The following ZBTB20 variants were observed in gnomAD, a reference collection of about 807,000 sequenced individuals.
ZBTB20 encodes zinc finger and BTB domain-containing protein 20.
Under a neutral mutation model 56.9 loss-of-function variants are expected in ZBTB20, and 9 were observed. The observed-to-expected ratio is 0.16, with a 90% CI of 0.10 to 0.28. The LOEUF (loss-of-function observed/expected upper bound fraction) is 0.28. Ranked by LOEUF, ZBTB20 falls within the 10% of genes least tolerant of loss-of-function variation. The probability of loss-of-function intolerance (pLI) is 1.00; values close to 1 mark genes in which losing one functional copy is unlikely to be tolerated. For synonymous variants in ZBTB20, 417 were observed against 420.7 expected, an observed-to-expected ratio of 0.99 and a Z score of 0.11; for missense variants, 655 against 1,003.0, an observed-to-expected ratio of 0.65 and a Z score of 4.69.
intron 1 of ZBTB20, among the ~76,000 whole-genome samples, chr3:115,097,392 C>A (rs1283900030): frequency 6.6e-6 from 1 of 151,896 alleles, no homozygotes; most frequent in Non-Finnish European, 1.5e-5. Context: ...CCATGTTGGC[C>A]AGGATAGTCT....
intron 6 of ZBTB20, among the ~76,000 whole-genome samples, chr3:114,650,754 T>C (rs1454910661): frequency 6.6e-6 from 1 of 151,966 alleles, no homozygotes; most frequent in Non-Finnish European, 1.5e-5. Flanking sequence ...TCCCATTATA[T>C]TCCTCTGTGC....
rs111705590 is a variant in ZBTB20 at position 114,394,036 on chromosome 3, G to A, written c.-254-4931C>T. The stretch of plus-strand genomic sequence containing the variant: ...CAGTCCTAGGAAATCACACCACATC[G>A]TTCTAAAATTATAGATGGGGGGTTC... On this transcript the variant is annotated intron_variant, in intron 7 of 11. Coordinates refer to ENST00000675478, the MANE Select transcript of ZBTB20 (RefSeq NM_001348800.3). Among the ~76,000 whole-genome samples the A allele has an allele frequency of 7.8e-3, 1,184 of 152,190 alleles. 27 individuals are homozygous for A. Among genetic ancestry groups the A allele is most frequent in the African/African-American group, 0.026 (1,064 of 41,514 alleles).
At chr3:114,923,561 A>G (rs2399513) in intron 3 of ZBTB20, among the ~76,000 whole-genome samples, 7,251 of 152,330 alleles carry the variant, frequency 0.048, 272 homozygotes, top group Non-Finnish European at 0.072. Flanking sequence ...CACTGTACAC[A>G]AAAATTAACT....
intron 6 of ZBTB20, among the ~76,000 whole-genome samples, chr3:114,676,079 C>T (rs2061609681): frequency 6.6e-6 from 1 of 152,132 alleles, no homozygotes; most frequent in Admixed American, 6.5e-5. Flanking sequence ...AGTCAGGATT[C>T]AAACCTAGGA....
intron 5 of ZBTB20, among the ~76,000 whole-genome samples, chr3:114,749,757 T>A (rs2067417172): frequency 1.3e-5 from 2 of 152,198 alleles, no homozygotes; most frequent in Admixed American, 1.3e-4. Flanking sequence ...TTGGTTTGTA[T>A]CCCATTTCCA....
intron 1 of ZBTB20, among the ~76,000 whole-genome samples, chr3:115,116,082 A>G (rs902288143): frequency 3.9e-5 from 6 of 151,902 alleles, no homozygotes; most frequent in African/African-American, 1.4e-4. Context: ...GCTTTTTTTC[A>G]GTCAGTTGTC....
intron 2 of ZBTB20, among the ~76,000 whole-genome samples, chr3:115,014,251 A>G (rs533617035): frequency 2.2e-4 from 33 of 151,822 alleles, no homozygotes; most frequent in African/African-American, 7.5e-4. Flanking sequence ...GATGGCTATC[A>G]GAGGTTGGGA....
intron 4 of ZBTB20, among the ~76,000 whole-genome samples, chr3:114,882,877 C>T (rs1232097118): frequency 6.6e-6 from 1 of 152,066 alleles, no homozygotes; most frequent in African/African-American, 2.4e-5. Context: ...CCTGTGAGCA[C>T]ATTTTAAAAA....
intron 5 of ZBTB20, among the ~76,000 whole-genome samples, chr3:114,698,061 C>T (rs980294261): frequency 6.6e-6 from 1 of 152,068 alleles, no homozygotes; most frequent in Admixed American, 6.6e-5. Context: ...TTATGATTCT[C>T]TCTATGCATT....
intron 2 of ZBTB20, among the ~76,000 whole-genome samples, chr3:115,066,554 C>G (rs1204895028): frequency 6.6e-6 from 1 of 152,106 alleles, no homozygotes; most frequent in Non-Finnish European, 1.5e-5. Context: ...TCTTCATACC[C>G]CTTCTTCCAC....
At chr3:114,878,860 T>C (rs1178627047) in intron 4 of ZBTB20, among the ~76,000 whole-genome samples, 2 of 152,172 alleles carry the variant, frequency 1.3e-5, no homozygotes, top group African/African-American at 4.8e-5. Context: ...TGAAATGCCA[T>C]GTCTAAAATA....
chr3:115,111,389 C>T (rs2083878589), intron 1 of ZBTB20, among the ~76,000 whole-genome samples: 1 of 151,968 alleles, frequency 6.6e-6, no homozygotes, highest in Non-Finnish European at 1.5e-5. Context: ...TTTGGGACTC[C>T]AATACATACC....
intron 2 of ZBTB20, among the ~76,000 whole-genome samples, chr3:115,056,938 G>T (rs1256461392): frequency 1.3e-5 from 2 of 152,122 alleles, no homozygotes; most frequent in Non-Finnish European, 2.9e-5. Context: ...TGTGTCTAAT[G>T]AGAGCCTCAA....
chr3:114,439,857 C>A (rs2090790502), intron 7 of ZBTB20, among the ~76,000 whole-genome samples: 2 of 152,128 alleles, frequency 1.3e-5, no homozygotes, highest in Admixed American at 1.3e-4. Context: ...ATTGCTACAT[C>A]CTTGATTTAG....
intron 7 of ZBTB20, among the ~76,000 whole-genome samples, chr3:114,410,933 G>C: frequency 6.6e-6 from 1 of 152,094 alleles, no homozygotes; most frequent in East Asian, 1.9e-4. Flanking sequence ...TTAGTGGAGG[G>C]AAGGGAAGAA....
At chr3:114,418,125 A>AC (rs111752719) in intron 7 of ZBTB20, among the ~76,000 whole-genome samples, 12,081 of 152,104 alleles carry the variant, frequency 0.079, 562 homozygotes, top group East Asian at 0.19. Context: ...AGAAGGATCA[A>AC]CCTTGATTAG....
intron 1 of ZBTB20, among the ~76,000 whole-genome samples, chr3:115,119,451 C>T (rs1359166494): frequency 2.6e-5 from 4 of 152,102 alleles, no homozygotes; most frequent in Non-Finnish European, 5.9e-5. Flanking sequence ...CATATTCAGA[C>T]ACTGTGCTAA....
chr3:114,341,877 T>A (rs771434027), intron 11 of ZBTB20, among the ~76,000 whole-genome samples: 5 of 152,226 alleles, frequency 3.3e-5, no homozygotes, highest in Non-Finnish European at 5.9e-5. Flanking sequence ...CCTGGCCTTG[T>A]CAGTGAATGA....
At chr3:114,830,424 A>G (rs1311723481) in intron 4 of ZBTB20, among the ~76,000 whole-genome samples, 1 of 151,990 alleles carries the variant, frequency 6.6e-6, no homozygotes, top group African/African-American at 2.4e-5. Flanking sequence ...CTTGGTGAGC[A>G]TAAAGTCCTA....
Sources: gnomAD v4.1 joint callset for allele counts (sites outside exome capture counted in the v4.1 genomes callset) on GRCh38, gnomAD v4.1.1 for gene constraint, MANE v1.5 for transcripts, NCBI Gene and HGNC (gene_info 2026-07-23, HGNC 2026-07-21) for gene names.